Variants in SLCO5A1 observed in about 807,000 individuals in gnomAD.
SLCO5A1 encodes organic anion transporter polypeptide-related protein 4.
SLCO5A1 carries 39 observed loss-of-function variants against 65.1 expected under a neutral mutation model. The observed-to-expected ratio is 0.60, with a 90% CI of 0.46 to 0.78. The LOEUF (loss-of-function observed/expected upper bound fraction) is 0.78, where lower values mean the gene tolerates loss of function less well. Among genes scored for constraint, SLCO5A1 ranks in the 30% least tolerant of loss-of-function variants. The pLI is 0.00. For missense variants in SLCO5A1, 1,029 were observed against 1,069.4 expected (o/e 0.96, Z 0.53); for synonymous variants, 438 against 415.7 (o/e 1.05, Z -0.65).
At chr8:69,817,743 A>G (rs1820464986) in intron 2 of SLCO5A1, among the ~76,000 whole-genome samples, 1 of 152,214 alleles carries the variant, frequency 6.6e-6, no homozygotes, top group Admixed American at 6.5e-5. Flanking sequence ...CGTATGATCA[A>G]GTCTTTGCAA....
At chr8:69,683,567 CTT>C (rs199891720) in intron 6 of SLCO5A1, among the ~76,000 whole-genome samples, 60,154 of 146,964 alleles carry the variant, frequency 0.41, 12,459 homozygotes, top group South Asian at 0.54. Context: ...CAAGACTTAT[CTT>C]TTTTTTTTTT....
chr8:69,718,081 G>A (rs955913762), intron 5 of SLCO5A1, among the ~76,000 whole-genome samples: 3 of 152,020 alleles, frequency 2.0e-5, no homozygotes, highest in African/African-American at 7.2e-5. Context: ...AATGTTTTGT[G>A]GTTTTCAGAA....
chr8:69,765,516 G>T (rs1007368388), intron 2 of SLCO5A1, among the ~76,000 whole-genome samples: 5 of 151,946 alleles, frequency 3.3e-5, no homozygotes, highest in African/African-American at 1.2e-4. Flanking sequence ...AAGCCTTTCT[G>T]GCTACTGCAC....
At chr8:69,718,626 A>C (rs2959554) in intron 5 of SLCO5A1, among the ~76,000 whole-genome samples, 1 of 151,988 alleles carries the variant, frequency 6.6e-6, no homozygotes, top group Admixed American at 6.6e-5. Context: ...ATTGACAAAC[A>C]TGTTTTTTAA....
At chr8:69,709,879 T>C (rs1815148959) in intron 5 of SLCO5A1, among the ~76,000 whole-genome samples, 1 of 152,172 alleles carries the variant, frequency 6.6e-6, no homozygotes, top group South Asian at 2.1e-4. Flanking sequence ...TGCATTCACT[T>C]GCACGGTTGC....
At chr8:69,779,982 G>A (rs796886328) in intron 2 of SLCO5A1, among the ~76,000 whole-genome samples, 9 of 152,128 alleles carry the variant, frequency 5.9e-5, no homozygotes, top group African/African-American at 1.9e-4. Flanking sequence ...ATTAAAAAGT[G>A]GGCAAAGGAC....
rs143887966 is a variant in SLCO5A1 at position 69,803,435 on chromosome 8, C to G, written c.907+28332G>C. On this transcript the variant is annotated intron_variant, in intron 2 of 9. Transcript: ENST00000260126. ...CTGTCTCAAAAAACAAAAATTAGCC[C>G]GGCATGGTGCCGGGTTCCTGTAATC... 2.6e-5 allele frequency among the ~76,000 whole-genome samples: 4 copies of G among 151,690 alleles called. No individual in the cohort carries two copies. In the East Asian group the frequency reaches 5.9e-4, roughly 22 times the overall value.
At chr8:69,773,891 C>T (rs1238837686) in intron 2 of SLCO5A1, among the ~76,000 whole-genome samples, 1 of 152,046 alleles carries the variant, frequency 6.6e-6, no homozygotes, top group Non-Finnish European at 1.5e-5. Context: ...TTACCCCTTA[C>T]AGAAGCCACA....
At chr8:69,778,149 G>A (rs1280154369) in intron 2 of SLCO5A1, among the ~76,000 whole-genome samples, 1 of 152,050 alleles carries the variant, frequency 6.6e-6, no homozygotes, top group East Asian at 1.9e-4. Context: ...TCTATACGAG[G>A]TTTTAGGCAT....
rs777000762 is a variant in SLCO5A1, at chr8:69,668,777, T to G, written c.*4092A>C. On this transcript the variant is annotated 3_prime_UTR_variant, in exon 10 of 10. Coordinates refer to ENST00000260126, the MANE Select transcript of SLCO5A1 (RefSeq NM_030958.3). ...ACATGGAGGACCACCATGACATCCA[T>G]GAGGCCTTACTCCATGTAACTCCCC... 3.3e-5 allele frequency: 5 copies of G among 152,160 alleles called. No homozygotes were observed. Among genetic ancestry groups the G allele is most frequent in the Admixed American group, 1.3e-4 (2 of 15,278 alleles). The allele number at this position is 152,160 out of a possible 1,614,324, so 9.4% of individuals were successfully genotyped here. A position where few individuals can be genotyped will look rare whatever the true frequency, so the allele number is the denominator to read the frequency against.
chr8:69,737,673 T>C (rs777035671), intron 5 of SLCO5A1, among the ~76,000 whole-genome samples: 3 of 152,242 alleles, frequency 2.0e-5, no homozygotes, highest in Admixed American at 6.5e-5. Flanking sequence ...AACTGATCTA[T>C]ATTTCAGGTT....
chr8:69,776,192 T>C (rs960918495), intron 2 of SLCO5A1, among the ~76,000 whole-genome samples: 6 of 152,102 alleles, frequency 3.9e-5, no homozygotes, highest in Non-Finnish European at 8.8e-5. Context: ...CATATATATA[T>C]CATGGTAACA....
chr8:69,806,489 T>C (rs1051669807), intron 2 of SLCO5A1, among the ~76,000 whole-genome samples: 2 of 152,224 alleles, frequency 1.3e-5, no homozygotes, highest in Non-Finnish European at 2.9e-5. Flanking sequence ...CCATTGATCT[T>C]GTTACATCTT....
intron 5 of SLCO5A1, among the ~76,000 whole-genome samples, chr8:69,729,629 T>C (rs1474465735): frequency 6.6e-6 from 1 of 152,042 alleles, no homozygotes. Context: ...ATTACGGTCA[T>C]TGGGGGAACT....
In SLCO5A1 at chr8:69,686,791, G is replaced by A. The variant is rs576609422; in HGVS notation, c.1623-4448C>T. ...ACAGGTCTTCTGGGTGGCTTATTTC[G>A]CTTTCTTCTTCCTGGAGAAAGCTCT... On this transcript the variant is annotated intron_variant, in intron 6 of 9. Transcript: ENST00000260126. 1.6e-3 allele frequency among the ~76,000 whole-genome samples: 247 copies of A among 152,238 alleles called. 3 individuals are homozygous for A. Among genetic ancestry groups the A allele is most frequent in the Non-Finnish European group, 2.1e-3 (146 of 68,016 alleles).
chr8:69,793,633 C>G (rs1819362989), intron 2 of SLCO5A1, among the ~76,000 whole-genome samples: 1 of 151,892 alleles, frequency 6.6e-6, no homozygotes, highest in Non-Finnish European at 1.5e-5. Context: ...CAAAAATTAA[C>G]CGGGTGTGGT....
intron 2 of SLCO5A1, among the ~76,000 whole-genome samples, chr8:69,823,524 A>C (rs1449165109): frequency 6.6e-6 from 1 of 152,344 alleles, no homozygotes; most frequent in Non-Finnish European, 1.5e-5. Flanking sequence ...CAAAAGAGAC[A>C]AAGAAGGCCA....
intron 2 of SLCO5A1, among the ~76,000 whole-genome samples, chr8:69,785,710 C>T (rs1221603463): frequency 6.6e-6 from 1 of 152,154 alleles, no homozygotes; most frequent in Non-Finnish European, 1.5e-5. Context: ...TACACTATAC[C>T]ACATGGCTTC....
At chr8:69,796,624 T>TTA (rs144335187) in intron 2 of SLCO5A1, among the ~76,000 whole-genome samples, 23,959 of 148,836 alleles carry the variant, frequency 0.16, 1,956 homozygotes, top group East Asian at 0.25. Context: ...CTCAAACATT[T>TTA]TATATATATA....
Sources: allele counts gnomAD v4.1 joint callset (sites outside exome capture counted in the v4.1 genomes callset), GRCh38; gene constraint gnomAD v4.1.1; transcripts MANE v1.5; gene names NCBI Gene and HGNC (gene_info 2026-07-23, HGNC 2026-07-21).